Variants in ABI3 observed in about 807,000 individuals in gnomAD.
ABI3 encodes ABI family member 3, also known as ABI gene family member 3.
In ABI3, 24 loss-of-function variants were observed where a neutral mutation model predicts 37.0. The observed-to-expected ratio is 0.65, with a 90% CI of 0.47 to 0.91. ABI3 has a LOEUF of 0.91. Among genes scored for constraint, ABI3 ranks in the 40% least tolerant of loss-of-function variants. ABI3 has a pLI of 0.00. For missense variants in ABI3, 481 were observed against 485.1 expected (o/e 0.99, Z 0.08); for synonymous variants, 220 against 211.8 (o/e 1.04, Z -0.34).
In ABI3 at chr17:49,219,425, A is replaced by G; in HGVS notation, c.463-115A>G. The G allele has an allele frequency of 2.3e-6, 2 of 880,082 alleles. No homozygotes were observed. Among genetic ancestry groups the G allele is most frequent in the South Asian group, 3.3e-5 (2 of 60,772 alleles). The allele number at this position is 880,082 out of a possible 1,614,324, so 54.5% of individuals were successfully genotyped here. ...TGAGAAGTGGAAGTGGGAACTGGCTATGCCGGGCTCTCCCTCCCGGTTCCC... is the reference window on the plus strand; with the variant it reads ...TGAGAAGTGGAAGTGGGAACTGGCTGTGCCGGGCTCTCCCTCCCGGTTCCC... On this transcript the variant is annotated intron_variant, in intron 3 of 7. Transcript: ENST00000225941. This position sits in a 1 kb window ranked among gnomAD's most constrained non-coding sequence, Gnocchi z 4.3.
chr17:49,220,036 T>A, intron 5 of ABI3, 83 bp downstream of exon 5: 1 of 1,531,996 alleles, frequency 6.5e-7, no homozygotes, highest in Non-Finnish European at 8.8e-7. Context: ...TCATAGTGAC[T>A]CCTGGGCTTG....
At chr17:49,218,754 C>T (rs939892031) in intron 3 of ABI3, among the ~76,000 whole-genome samples, 1 of 151,214 alleles carries the variant, frequency 6.6e-6, no homozygotes, top group African/African-American at 2.4e-5. Flanking sequence ...CAGGCGCCCG[C>T]CACCATGCCC....
chr17:49,211,946 A>C (rs1424816377), intron 1 of ABI3, among the ~76,000 whole-genome samples: 1 of 123,214 alleles, frequency 8.1e-6, no homozygotes, highest in East Asian at 3.0e-4. Flanking sequence ...GTGCCCAGCC[A>C]GCCTTTTTTT....
At chr17:49,216,026 G>A (rs1429451258) in intron 1 of ABI3, among the ~76,000 whole-genome samples, 3 of 151,256 alleles carry the variant, frequency 2.0e-5, no homozygotes, top group South Asian at 4.2e-4. Flanking sequence ...CAGGAGAATC[G>A]CTTGAACTCG....
rs567658506 is a variant in ABI3 at position 49,210,823 on chromosome 17, C to G, written c.99C>G (p.Cys33Trp). Residue 33 changes from cysteine (C) to tryptophan (W), a missense_variant, in exon 1 of 8, where the codon TGC becomes TGG. Cys to Trp is a radical substitution (Grantham distance 215, BLOSUM62 -2). Transcript: ENST00000225941. The surrounding 1 kb of genome is among the most constrained non-coding windows in gnomAD (Gnocchi z 4.2). ...HSALLRVADY[C>W]EDNYVQATDK... ...CCCTGCTGCGGGTCGCTGACTACTG[C>G]GAGGACAACTATGTGCAGGTAGGTA... 3 of 1,555,884 alleles carry G rather than the reference C, an allele frequency of 1.9e-6. No individual in the cohort carries two copies. The highest frequency in any genetic ancestry group is 2.6e-6 in the Non-Finnish European group (3 of 1,148,882).
In ABI3 at chr17:49,219,467, T is replaced by C; in HGVS notation, c.463-73T>C. The C allele has an allele frequency of 7.4e-7, 1 of 1,342,540 alleles. No homozygotes were observed. Among genetic ancestry groups the C allele is most frequent in the Non-Finnish European group, 1.0e-6 (1 of 972,574 alleles). 83.2% of individuals were successfully genotyped at this position (1,342,540 alleles called of 1,614,324 possible). A position where few individuals can be genotyped will look rare whatever the true frequency, so the allele number is the denominator to read the frequency against. On this transcript the variant is annotated intron_variant, in intron 3 of 7. Coordinates refer to ENST00000225941, the MANE Select transcript of ABI3 (RefSeq NM_016428.3). This position sits in a 1 kb window ranked among gnomAD's most constrained non-coding sequence, Gnocchi z 4.3. ...CCGGTTCCCGTCCGCCCCTCCTCCA[T>C]TTCCTCTTGGGGATGAGGGTGGAGG... is the stretch of plus-strand genomic sequence containing the variant.
chr17:49,220,852 T>TAA (rs761407375), intron 6 of ABI3, among the ~76,000 whole-genome samples: 4 of 39,520 alleles, frequency 1.0e-4, no homozygotes, highest in East Asian at 1.1e-3. Context: ...CTCAAAATAA[T>TAA]AATAATAATA....
At chr17:49,220,436 C>T in intron 6 of ABI3, 110 bp downstream of exon 6, 1 of 1,389,160 alleles carries the variant, frequency 7.2e-7, no homozygotes, top group Non-Finnish European at 9.7e-7. Flanking sequence ...GTGAATGCCT[C>T]CTCCAAGGAG....
chr17:49,215,168 T>C (rs893769924), intron 1 of ABI3, among the ~76,000 whole-genome samples: 5 of 152,144 alleles, frequency 3.3e-5, no homozygotes, highest in Non-Finnish European at 7.4e-5. Flanking sequence ...TGAAAATAAG[T>C]ACAGCACATG....
rs201557264 is a variant in ABI3, at chr17:49,217,796, G to C, written c.343G>C (p.Val115Leu). 5.8e-5 allele frequency: 94 copies of C among 1,611,636 alleles called. No homozygotes were observed. The Admixed American group carries it at 9.9e-4, about 17-fold the overall frequency. The change falls in exon 3 of 8, where the codon GTC (valine) becomes CTC (leucine). Residue 115 changes from valine to leucine, a missense_variant. By Grantham distance (32) the Val-to-Leu change is conservative. Transcript: ENST00000225941. ...ARREIGTLAT[V>L]QRLPPGQKVI... ...AAGGGAGATCGGCACCTTAGCCACT[G>C]TCCAGCGGCTGCCCCCCGGCCAGAA...
intron 6 of ABI3, 49 bp from the exon 7 acceptor site, chr17:49,222,042 G>T: frequency 6.5e-7 from 1 of 1,528,538 alleles, no homozygotes; most frequent in Middle Eastern, 2.4e-4. Flanking sequence ...CTGACACACT[G>T]AAGGAGCTTC....
Position 49,222,941 on chromosome 17 carries a change from C to G in ABI3, c.*226C>G. 1.7e-6 allele frequency: 1 copy of G among 591,538 alleles called. No individual in the cohort carries two copies. The highest frequency in any genetic ancestry group is 1.9e-5 in the African/African-American group (1 of 53,944). The allele number at this position is 591,538 out of a possible 1,614,324, so 36.6% of individuals were successfully genotyped here. A position where few individuals can be genotyped will look rare whatever the true frequency, so the allele number is the denominator to read the frequency against. The stretch of plus-strand genomic sequence containing the variant: ...AGCTGGAAACCAAGAAGTTTGTCAA[C>G]AGAGGACCCCTACTCCATGCAGGAC... On this transcript the variant is annotated 3_prime_UTR_variant, in exon 8 of 8. Coordinates refer to ENST00000225941, the MANE Select transcript of ABI3 (RefSeq NM_016428.3).
chr17:49,219,852 C>G lies in ABI3; in HGVS notation c.549-6C>G, dbSNP rs1458721834. 3 of 1,541,220 alleles carry G rather than the reference C, an allele frequency of 1.9e-6. No homozygotes were observed. The highest frequency in any genetic ancestry group is 1.2e-5 in the South Asian group (1 of 84,340). On this transcript the variant is annotated splice_polypyrimidine_tract_variant and splice_region_variant and intron_variant, in intron 4 of 7. Transcript: ENST00000225941. This position sits in a 1 kb window ranked among gnomAD's most constrained non-coding sequence, Gnocchi z 4.3. ...CTCCTAATACCCACTCCCTGCCCCCCGCCAGGAGACCACCCCGGATTCCCG... is the reference window on the plus strand; with the variant it reads ...CTCCTAATACCCACTCCCTGCCCCCGGCCAGGAGACCACCCCGGATTCCCG...
chr17:49,220,271 C>T lies in ABI3; in HGVS notation c.747C>T (p.Ala249=). Residue 249 remains alanine (A), a synonymous_variant, in exon 6 of 8, where the codon GCC becomes GCT. Coordinates refer to ENST00000225941, the MANE Select transcript of ABI3 (RefSeq NM_016428.3). Reference sequence around the variant, plus strand: ...TGGACCCACCTCCTCCACCAGCAGCCGTCGAGGTGTTCCAGCGGCCTCCCA... The same window carrying T: ...TGGACCCACCTCCTCCACCAGCAGCTGTCGAGGTGTTCCAGCGGCCTCCCA... The part of the protein sequence containing the change: ...SSLDPPPPPA[A]VEVFQRPPTL... The T allele has an allele frequency of 1.9e-6, 3 of 1,607,120 alleles. No homozygotes were observed. The highest frequency in any genetic ancestry group is 1.7e-5 in the Admixed American group (1 of 59,254).
Position 49,217,777 on chromosome 17 carries a change from G to C in ABI3, c.324G>C (p.Glu108Asp). The C allele has an allele frequency of 1.2e-6, 2 of 1,611,606 alleles. No individual in the cohort carries two copies. The highest frequency in any genetic ancestry group is 1.7e-4 in the Middle Eastern group (1 of 6,054). The change falls in exon 3 of 8, where the codon GAG (glutamate) becomes GAC (aspartate). Residue 108 changes from glutamate to aspartate, a missense_variant. Coordinates refer to ENST00000225941, the MANE Select transcript of ABI3 (RefSeq NM_016428.3). ...NMHMEKVARREIGTLATVQRL... is the reference protein window; with the variant it reads ...NMHMEKVARRDIGTLATVQRL... ...ATATGGAGAAGGTGGCCCGAAGGGA[G>C]ATCGGCACCTTAGCCACTGTCCAGC...
At chr17:49,215,978 G>C (rs2043214023) in intron 1 of ABI3, among the ~76,000 whole-genome samples, 1 of 151,702 alleles carries the variant, frequency 6.6e-6, no homozygotes, top group African/African-American at 2.4e-5. Context: ...GGGCGTGGTG[G>C]CACATGCTTG....
Position 49,210,717 on chromosome 17 carries a change from TG to T in ABI3, c.-3del. The T allele has an allele frequency of 1.9e-6, 3 of 1,555,616 alleles. No individual in the cohort carries two copies. Among genetic ancestry groups the T allele is most frequent in the Non-Finnish European group, 2.6e-6 (3 of 1,149,236 alleles). On this transcript the variant is annotated 5_prime_UTR_variant, in exon 1 of 8. Transcript: ENST00000225941. This position sits in a 1 kb window ranked among gnomAD's most constrained non-coding sequence, Gnocchi z 4.2. Reference sequence around the variant, plus strand: ...GCTCCCTGGGGAGCCAGACAGAGGCTGGGGGTGATGGCGGAGCTACAGCAGC... The same window carrying T: ...GCTCCCTGGGGAGCCAGACAGAGGCTGGGGTGATGGCGGAGCTACAGCAGC...
rs550594661 is a variant in ABI3 at position 49,221,044 on chromosome 17, G to A, written c.802+718G>A. 2.7e-5 allele frequency among the ~76,000 whole-genome samples: 4 copies of A among 146,446 alleles called. No homozygotes were observed. In the South Asian group the frequency reaches 8.9e-4, roughly 33 times the overall value. On this transcript the variant is annotated intron_variant, in intron 6 of 7. Coordinates refer to ENST00000225941, the MANE Select transcript of ABI3 (RefSeq NM_016428.3). ...AAAAATTAGCCTGGCGTGGTGGTGCGTGCCTGTAATTCCAGCTACTCAGGA... is the reference window on the plus strand; with the variant it reads ...AAAAATTAGCCTGGCGTGGTGGTGCATGCCTGTAATTCCAGCTACTCAGGA...
At chr17:49,218,618 T>A (rs2043246464) in intron 3 of ABI3, among the ~76,000 whole-genome samples, 1 of 152,034 alleles carries the variant, frequency 6.6e-6, no homozygotes, top group Non-Finnish European at 1.5e-5. Context: ...ATTTTTTTTT[T>A]TTGAGATGGA....
Sources: gnomAD v4.1 joint callset for allele counts (sites outside exome capture counted in the v4.1 genomes callset) on GRCh38, gnomAD v4.1.1 for gene constraint, Gnocchi (gnomAD v3.1) non-coding constraint, MANE v1.5 for transcripts, NCBI Gene and HGNC (gene_info 2026-07-23, HGNC 2026-07-21) for gene names.